EYS: variants seen among roughly 807,000 people sequenced by gnomAD.
EYS encodes the protein EGF-like photoreceptor maintenance factor, also known as protein eyes shut homolog.
A neutral mutation model predicts 282.1 loss-of-function variants in EYS; 250 were observed. That is an observed-to-expected ratio of 0.89 (90% CI 0.80 to 0.98). The LOEUF is 0.98. Among genes scored for constraint, EYS ranks in the 50% least tolerant of loss-of-function variants. EYS has a pLI of 0.00. For synonymous variants in EYS, 1,355 were observed against 1,282.9 expected (o/e 1.06, Z -1.20); for missense variants, 4,016 against 3,709.0 (o/e 1.08, Z -2.15).
chr6:65,667,311 A>T (rs930700750), intron 1 of EYS, among the ~76,000 whole-genome samples: 17 of 151,996 alleles, frequency 1.1e-4, no homozygotes, highest in African/African-American at 3.4e-4. Context: ...TTGTTTACAA[A>T]ACTCATGTAA....
intron 31 of EYS, among the ~76,000 whole-genome samples, chr6:64,136,361 C>T (rs372215444): frequency 6.6e-6 from 1 of 152,010 alleles, no homozygotes; most frequent in Non-Finnish European, 1.5e-5. Flanking sequence ...TTCTTCTAAA[C>T]TCCTGTTAAT....
At chr6:64,766,683 TAA>T (rs1562180058) in intron 22 of EYS, among the ~76,000 whole-genome samples, 36 of 111,278 alleles carry the variant, frequency 3.2e-4, no homozygotes, top group African/African-American at 9.7e-4. Context: ...TATATATATA[TAA>T]AATCTAACAA....
intron 32 of EYS, among the ~76,000 whole-genome samples, chr6:64,077,380 A>G (rs566280869): frequency 1.3e-5 from 2 of 152,122 alleles, no homozygotes; most frequent in African/African-American, 2.4e-5. Flanking sequence ...AAATCATTTT[A>G]TAGGGAAAGG....
In EYS at chr6:64,839,481, G is replaced by A. The variant is rs569433076; in HGVS notation, c.2993-16659C>T. ...AAAATAAGCTTATTAAAAAGTTGCCGGCAGTAAGACACTGATACAAAATAG... is the reference window on the plus strand; with the variant it reads ...AAAATAAGCTTATTAAAAAGTTGCCAGCAGTAAGACACTGATACAAAATAG... On this transcript the variant is annotated intron_variant, in intron 19 of 42. Transcript: ENST00000503581. Among the ~76,000 whole-genome samples, 8 of 151,952 alleles carry A rather than the reference G, an allele frequency of 5.3e-5. No homozygotes were observed. In the South Asian group the frequency reaches 1.2e-3, roughly 24 times the overall value.
At chr6:64,604,636 G>C (rs1766866800) in intron 24 of EYS, among the ~76,000 whole-genome samples, 1 of 151,962 alleles carries the variant, frequency 6.6e-6, no homozygotes, top group African/African-American at 2.4e-5. Flanking sequence ...GAACTTCAGG[G>C]GATTTGCTTC....
At chr6:65,637,577 A>C (rs1344551965) in intron 2 of EYS, among the ~76,000 whole-genome samples, 2 of 152,048 alleles carry the variant, frequency 1.3e-5, no homozygotes, top group East Asian at 3.9e-4. Flanking sequence ...GCATCACTGC[A>C]CTCTTGGGGG....
intron 15 of EYS, among the ~76,000 whole-genome samples, chr6:64,925,138 T>C (rs1355047491): frequency 6.6e-6 from 1 of 152,116 alleles, no homozygotes; most frequent in Non-Finnish European, 1.5e-5. Flanking sequence ...AGAATCATGG[T>C]GGGAGATGAA....
chr6:64,559,884 A>AT (rs770041451), intron 26 of EYS, among the ~76,000 whole-genome samples: 1 of 151,896 alleles, frequency 6.6e-6, no homozygotes, highest in Non-Finnish European at 1.5e-5. Flanking sequence ...CCCAAGAGTT[A>AT]TTTTTTTCTG....
chr6:64,567,095 T>C (rs1765588616), intron 26 of EYS, among the ~76,000 whole-genome samples: 1 of 152,096 alleles, frequency 6.6e-6, no homozygotes, highest in Admixed American at 6.5e-5. Flanking sequence ...TCTTTCAAGA[T>C]ATTTTTAAAA....
chr6:65,592,589 G>T (rs1440131761), intron 2 of EYS, among the ~76,000 whole-genome samples: 5 of 151,800 alleles, frequency 3.3e-5, no homozygotes, highest in Non-Finnish European at 7.4e-5. Flanking sequence ...CACCCAGAGG[G>T]GTAAACGCCA....
At chr6:65,048,879 T>C (rs1387130511) in intron 13 of EYS, among the ~76,000 whole-genome samples, 1 of 151,822 alleles carries the variant, frequency 6.6e-6, no homozygotes, top group Non-Finnish European at 1.5e-5. Context: ...AATTATCCAA[T>C]TACCTAACTC....
intron 22 of EYS, among the ~76,000 whole-genome samples, chr6:64,785,517 G>T (rs1404341463): frequency 5.3e-5 from 8 of 152,080 alleles, no homozygotes; most frequent in Admixed American, 5.2e-4. Context: ...GCACCACCAG[G>T]TTAGAATTTC....
At chr6:64,131,094 T>C (rs3013170) in intron 31 of EYS, among the ~76,000 whole-genome samples, 77,512 of 151,576 alleles carry the variant, frequency 0.51, 22,186 homozygotes, top group African/African-American at 0.79. Context: ...TCTTGAACTC[T>C]TGACTTCGTG....
At chr6:65,306,257 G>T (rs1029736569) in intron 11 of EYS, among the ~76,000 whole-genome samples, 4 of 152,212 alleles carry the variant, frequency 2.6e-5, no homozygotes, top group African/African-American at 9.6e-5. Context: ...ATCAAGAGTT[G>T]AACTTCACGT....
chr6:64,403,900 T>C (rs1474472516), intron 28 of EYS, among the ~76,000 whole-genome samples: 1 of 152,074 alleles, frequency 6.6e-6, no homozygotes, highest in Non-Finnish European at 1.5e-5. Context: ...GAAACTGGAT[T>C]TTTTCAGAGG....
intron 2 of EYS, among the ~76,000 whole-genome samples, chr6:65,629,526 C>T (rs73455504): frequency 0.013 from 1,995 of 152,262 alleles, 48 homozygotes; most frequent in African/African-American, 0.045. Context: ...CTGATGCCAA[C>T]CCGAAAACCC....
At chr6:64,761,905 G>T (rs888934698) in intron 22 of EYS, among the ~76,000 whole-genome samples, 4 of 152,122 alleles carry the variant, frequency 2.6e-5, no homozygotes, top group Admixed American at 6.5e-5. Flanking sequence ...CCTTTTGGGG[G>T]AGAAAAGGAG....
At chr6:65,074,131 T>C (rs1283923052) in intron 12 of EYS, among the ~76,000 whole-genome samples, 2 of 151,988 alleles carry the variant, frequency 1.3e-5, no homozygotes, top group Non-Finnish European at 2.9e-5. Context: ...CAGTAAAATA[T>C]GAAAATAAAA....
At chr6:65,211,254 C>T (rs546090460) in intron 12 of EYS, among the ~76,000 whole-genome samples, 45 of 152,062 alleles carry the variant, frequency 3.0e-4, no homozygotes, top group African/African-American at 9.6e-4. Context: ...TGTGTTGGTG[C>T]TGCTGATACC....
Sources: allele counts gnomAD v4.1 joint callset (sites outside exome capture counted in the v4.1 genomes callset), GRCh38; gene constraint gnomAD v4.1.1; transcripts MANE v1.5; gene names NCBI Gene and HGNC (gene_info 2026-07-23, HGNC 2026-07-21).